OSBPL10: variants seen among roughly 807,000 people sequenced by gnomAD.
OSBPL10 encodes oxysterol binding protein like 10, also known as oxysterol-binding protein-related protein 10.
OSBPL10 carries 49 observed loss-of-function variants against 81.7 expected under a neutral mutation model. The observed-to-expected ratio is 0.60, with a 90% CI of 0.48 to 0.76. OSBPL10 has a LOEUF of 0.76. Among genes scored for constraint, OSBPL10 ranks in the 30% least tolerant of loss-of-function variants. The pLI, the probability that OSBPL10 is intolerant of heterozygous loss-of-function variation, is 0.00. For synonymous variants in OSBPL10, 419 were observed against 383.6 expected (o/e 1.09, Z -1.08); for missense variants, 923 against 987.8 (o/e 0.93, Z 0.88).
intron 2 of OSBPL10, among the ~76,000 whole-genome samples, chr3:32,020,971 T>C (rs1378736627): frequency 6.6e-6 from 1 of 152,240 alleles, no homozygotes; most frequent in Non-Finnish European, 1.5e-5. Context: ...CCATGGACTC[T>C]CTTTTTGGCT....
intron 7 of OSBPL10, among the ~76,000 whole-genome samples, chr3:31,691,052 G>A (rs561088996): frequency 3.3e-5 from 5 of 152,150 alleles, no homozygotes; most frequent in East Asian, 3.9e-4. Flanking sequence ...GGTGAGTGAC[G>A]GCCCAGCTGT....
At chr3:31,671,029 AGGGCACT>A (rs749971491) in intron 8 of OSBPL10, 46 bp from the exon 9 acceptor site, 5 of 1,512,802 alleles carry the variant, frequency 3.3e-6, no homozygotes, top group Non-Finnish European at 4.5e-6. Flanking sequence ...ACATGTGAAG[AGGGCACT>A]GGGGATCAGA....
In OSBPL10 at chr3:31,981,066, C is replaced by T; in HGVS notation, c.114G>A (p.Arg38=). Residue 38 remains arginine (R), a synonymous_variant, in exon 1 of 12, where the codon CGG becomes CGA. Transcript: ENST00000396556. The surrounding 1 kb of genome is among the most constrained non-coding windows in gnomAD (Gnocchi z 4.5). ...GSSPSCSLAG[R]GVSSRSAAAG... ...CCGCCGCCGACCGGCTGGAGACCCC[C>T]CGGCCCGCCAGAGAGCAGGAGGGCG... 6.7e-7 allele frequency: 1 copy of T among 1,491,248 alleles called. No homozygotes were observed. The highest frequency in any genetic ancestry group is 8.9e-7 in the Non-Finnish European group (1 of 1,124,636). The allele number at this position is 1,491,248 out of a possible 1,614,324, so 92.4% of individuals were successfully genotyped here.
intron 4 of OSBPL10, among the ~76,000 whole-genome samples, chr3:31,749,406 A>G (rs1697644259): frequency 6.6e-6 from 1 of 152,246 alleles, no homozygotes; most frequent in Non-Finnish European, 1.5e-5. Context: ...TAATCTGGCC[A>G]TGCAAATTGT....
intron 7 of OSBPL10, among the ~76,000 whole-genome samples, chr3:31,695,184 C>CTACTCTCTGAAGCCAGCTG (rs1695676364): frequency 6.6e-6 from 1 of 152,206 alleles, no homozygotes; most frequent in African/African-American, 2.4e-5. Flanking sequence ...CACCTTCTAC[C>CTACTCTCTGAAGCCAGCTG]TACTCTCTGA....
At chr3:31,733,040 C>T (rs1697026551) in intron 6 of OSBPL10, 5 of 600,422 alleles carry the variant, frequency 8.3e-6, no homozygotes, top group East Asian at 3.1e-5. Context: ...ATTCCTCATT[C>T]GTAGGATCAC....
chr3:31,802,709 G>C (rs1311449096), intron 4 of OSBPL10, among the ~76,000 whole-genome samples: 1 of 152,108 alleles, frequency 6.6e-6, no homozygotes, highest in East Asian at 1.9e-4. Context: ...CTTGCACTTA[G>C]AGGCGTGACC....
intron 6 of OSBPL10, chr3:31,714,677 G>C (rs1243894883): frequency 6.6e-6 from 1 of 152,228 alleles, no homozygotes; most frequent in Non-Finnish European, 1.5e-5. Flanking sequence ...CCTGTTTTGC[G>C]CACCATCCTC....
chr3:31,814,931 C>T lies in OSBPL10; in HGVS notation c.729+15109G>A, dbSNP rs147836107. On this transcript the variant is annotated intron_variant, in intron 4 of 11. Coordinates refer to ENST00000396556, the MANE Select transcript of OSBPL10 (RefSeq NM_017784.5). ...CCCTGAGGATATGATATGCCCTTCT[C>T]GTGGATCTGGAAAGTTCTCTGTTCC... Among the ~76,000 whole-genome samples, 336 of 152,286 alleles carry T rather than the reference C, an allele frequency of 2.2e-3. 3 individuals carry two copies. Among genetic ancestry groups the T allele is most frequent in the African/African-American group, 7.8e-3 (325 of 41,552 alleles).
intron 2 of OSBPL10, among the ~76,000 whole-genome samples, chr3:32,038,656 C>A (rs1485225674): frequency 6.6e-6 from 1 of 152,148 alleles, no homozygotes; most frequent in Non-Finnish European, 1.5e-5. Context: ...GAAATCAAAC[C>A]AGTGCTTGTC....
intron 6 of OSBPL10, among the ~76,000 whole-genome samples, chr3:31,711,409 T>C (rs1696248247): frequency 6.6e-6 from 1 of 152,198 alleles, no homozygotes; most frequent in African/African-American, 2.4e-5. Context: ...GGCCATGTGG[T>C]TGTCAGCTTA....
At chr3:31,829,624 A>G (rs1257081820) in intron 4 of OSBPL10, among the ~76,000 whole-genome samples, 1 of 152,084 alleles carries the variant, frequency 6.6e-6, no homozygotes, top group African/African-American at 2.4e-5. Context: ...GAAGCAGGAG[A>G]GGAGAGAAAG....
chr3:31,664,319 G>A lies in OSBPL10; in HGVS notation c.2097-87C>T, dbSNP rs9851108. The A allele has an allele frequency of 2.9e-4, 418 of 1,421,138 alleles. 3 individuals carry two copies. The African/African-American group carries it at 3.9e-3, about 13-fold the overall frequency. 88.0% of individuals were successfully genotyped at this position (1,421,138 alleles called of 1,614,324 possible). A position where few individuals can be genotyped will look rare whatever the true frequency, so the allele number is the denominator to read the frequency against. On this transcript the variant is annotated intron_variant, in intron 10 of 11. Coordinates refer to ENST00000396556, the MANE Select transcript of OSBPL10 (RefSeq NM_017784.5). The stretch of plus-strand genomic sequence containing the variant: ...CTCTGCCAGGAGCAGCCAGAGCAGC[G>A]AGGGGCCGCCAGGCAAGCCCCCTCT...
chr3:31,747,247 G>A (rs1219369924), intron 5 of OSBPL10, among the ~76,000 whole-genome samples: 1 of 152,056 alleles, frequency 6.6e-6, no homozygotes, highest in East Asian at 1.9e-4. Flanking sequence ...GAACCCAGGA[G>A]GCGGAGGCTG....
intron 11 of OSBPL10, chr3:31,662,529 C>T: frequency 9.9e-7 from 1 of 1,009,480 alleles, no homozygotes; most frequent in South Asian, 4.3e-5. Flanking sequence ...AGGCTCTCTC[C>T]AGCAGGCAGT....
At chr3:31,663,882 A>G (rs1700121706) in intron 11 of OSBPL10, 197 bp downstream of exon 11, 2 of 1,457,366 alleles carry the variant, frequency 1.4e-6, no homozygotes, top group South Asian at 2.9e-5. Context: ...GCCCTCCAGA[A>G]GGTTTCATGA....
intron 4 of OSBPL10, among the ~76,000 whole-genome samples, chr3:31,805,142 T>G (rs1699489696): frequency 6.6e-6 from 1 of 152,200 alleles, no homozygotes; most frequent in Non-Finnish European, 1.5e-5. Context: ...GCAGTTTCTT[T>G]AAAAATGAAC....
intron 3 of OSBPL10, among the ~76,000 whole-genome samples, chr3:31,857,203 G>A (rs1700933625): frequency 6.6e-6 from 1 of 152,180 alleles, no homozygotes; most frequent in African/African-American, 2.4e-5. Context: ...CCCAGCACCG[G>A]AGGGTTTTGT....
intron 1 of OSBPL10, among the ~76,000 whole-genome samples, chr3:31,959,776 C>A (rs894882617): frequency 1.3e-5 from 2 of 152,140 alleles, no homozygotes; most frequent in African/African-American, 4.8e-5. Flanking sequence ...GAGGCAGTTT[C>A]CTCACCTGTA....
Sources: allele counts gnomAD v4.1 joint callset (sites outside exome capture counted in the v4.1 genomes callset), GRCh38; gene constraint gnomAD v4.1.1; non-coding constraint Gnocchi (gnomAD v3.1); transcripts MANE v1.5; gene names NCBI Gene and HGNC (gene_info 2026-07-23, HGNC 2026-07-21).